Variants in AKAP9 observed in about 807,000 individuals in gnomAD.
AKAP9 encodes the protein A-kinase anchor protein 9.
In AKAP9, 311 loss-of-function variants were observed where a neutral mutation model predicts 488.5. The observed-to-expected ratio is 0.64, with a 90% CI of 0.58 to 0.70. AKAP9 has a LOEUF of 0.70. Among genes scored for constraint, AKAP9 ranks in the 30% least tolerant of loss-of-function variants. The pLI is 0.00. For synonymous variants in AKAP9, 1,462 were observed against 1,483.5 expected, an observed-to-expected ratio of 0.99 and a Z score of 0.33; for missense variants, 4,215 against 4,374.5, an observed-to-expected ratio of 0.96 and a Z score of 1.03.
chr7:91,982,821 C>G (rs1015794469), intron 3 of AKAP9, among the ~76,000 whole-genome samples: 7 of 152,176 alleles, frequency 4.6e-5, no homozygotes, highest in Non-Finnish European at 7.3e-5. Context: ...TAAAAGCATT[C>G]CTATTTCTCC....
At chr7:91,956,354 T>C (rs970657240) in intron 1 of AKAP9, among the ~76,000 whole-genome samples, 5 of 146,478 alleles carry the variant, frequency 3.4e-5, no homozygotes, top group African/African-American at 1.0e-4. Context: ...GGGCCGAGAT[T>C]GCACCACTGC....
chr7:92,003,816 A>G (rs1217487714), intron 8 of AKAP9, among the ~76,000 whole-genome samples: 1 of 152,160 alleles, frequency 6.6e-6, no homozygotes, highest in Non-Finnish European at 1.5e-5. Context: ...AATTATATGT[A>G]TATAATAATA....
intron 3 of AKAP9, among the ~76,000 whole-genome samples, chr7:91,991,494 C>G (rs911721133): frequency 4.2e-5 from 6 of 142,312 alleles, no homozygotes; most frequent in African/African-American, 1.6e-4. Context: ...TTTTTTGAGA[C>G]AGAGTCTTGC....
Position 91,992,165 on chromosome 7 carries a change from G to A in AKAP9, c.359G>A (p.Gly120Asp). The A allele has an allele frequency of 6.2e-7, 1 of 1,609,034 alleles. No homozygotes were observed. Among genetic ancestry groups the A allele is most frequent in the Non-Finnish European group, 8.5e-7 (1 of 1,175,604 alleles). The change falls in exon 4 of 50, where the codon GGT (glycine) becomes GAT (aspartate). Residue 120 changes from glycine to aspartate, a missense_variant. Physicochemically the swap from Gly to Asp is moderately conservative, Grantham distance 94 (BLOSUM62 -1). Coordinates refer to ENST00000356239, the MANE Select transcript of AKAP9 (RefSeq NM_005751.5). ...TADDCSSEVN[G>D]CSFVMRTGKP... is the part of the protein sequence containing the mutation. Reference sequence around the variant, plus strand: ...GAAATTGTTTTTATACAGGTAAATGGTTGCAGTTTTGTGATGAGAACAGGA... The same window carrying A: ...GAAATTGTTTTTATACAGGTAAATGATTGCAGTTTTGTGATGAGAACAGGA...
chr7:92,059,353 GTC>G (rs997045938), intron 22 of AKAP9, among the ~76,000 whole-genome samples: 15 of 151,816 alleles, frequency 9.9e-5, no homozygotes, highest in Admixed American at 6.6e-4. Flanking sequence ...TTTGAAGGGT[GTC>G]TCATCTCCCG....
intron 14 of AKAP9, among the ~76,000 whole-genome samples, chr7:92,024,156 A>G (rs564227364): frequency 6.6e-6 from 1 of 151,740 alleles, no homozygotes; most frequent in South Asian, 2.1e-4. Flanking sequence ...TCATGCCTGT[A>G]ATTCCAGCAT....
chr7:92,079,916 G>T lies in AKAP9; in HGVS notation c.7783G>T (p.Asp2595Tyr), dbSNP rs754949903. 7.0e-5 allele frequency: 113 copies of T among 1,613,564 alleles called. No individual in the cohort carries two copies. Among genetic ancestry groups the T allele is most frequent in the Middle Eastern group, 1.6e-4 (1 of 6,082 alleles). Residue 2595 changes from aspartate (D) to tyrosine (Y), a missense_variant, in exon 31 of 50, where the codon GAT becomes TAT. By Grantham distance (160) the Asp-to-Tyr change is radical (BLOSUM62 -3). Coordinates refer to ENST00000356239, the MANE Select transcript of AKAP9 (RefSeq NM_005751.5). ...NIQNLNQLRE[D>Y]ELGSDISALT... ...TCAGAATTTAAATCAACTAAGAGAA[G>T]ATGAGTTGGGGTCAGATATATCAGC...
intron 22 of AKAP9, chr7:92,058,363 G>T (rs543328864): frequency 1.4e-4 from 81 of 565,644 alleles, no homozygotes; most frequent in South Asian, 1.1e-3. Flanking sequence ...AAAGAAACGG[G>T]CATATATTAA....
chr7:92,013,935 G>T (rs1362120209), intron 9 of AKAP9, among the ~76,000 whole-genome samples: 1 of 151,662 alleles, frequency 6.6e-6, no homozygotes, highest in Non-Finnish European at 1.5e-5. Context: ...TACAGTAGAA[G>T]AATAAATATT....
In AKAP9 at chr7:92,102,591, T is replaced by C; in HGVS notation, c.11098-3T>C. The C allele has an allele frequency of 1.2e-6, 2 of 1,612,390 alleles. No homozygotes were observed. The highest frequency in any genetic ancestry group is 1.7e-6 in the Non-Finnish European group (2 of 1,178,424). On this transcript the variant is annotated splice_polypyrimidine_tract_variant and splice_region_variant and intron_variant, in intron 45 of 49. Coordinates refer to ENST00000356239, the MANE Select transcript of AKAP9 (RefSeq NM_005751.5). ...TTTACATTCTTCTCTTCCCTAAATA[T>C]AGAGAATTTATGGTAAATACTTGAG...
At chr7:91,958,579 A>G (rs1249944075) in intron 1 of AKAP9, among the ~76,000 whole-genome samples, 3 of 152,148 alleles carry the variant, frequency 2.0e-5, no homozygotes, top group Admixed American at 6.6e-5. Context: ...ATGTAGTTGT[A>G]TATATCCTTT....
chr7:91,995,793 A>G lies in AKAP9; in HGVS notation c.923A>G (p.Tyr308Cys), dbSNP rs1406991874. The G allele has an allele frequency of 3.1e-6, 5 of 1,599,756 alleles. No individual in the cohort carries two copies. Among genetic ancestry groups the G allele is most frequent in the African/African-American group, 2.7e-5 (2 of 74,574 alleles). The stretch of plus-strand genomic sequence containing the variant: ...TTCTTGCAAGAGAAAATTAAAGTAT[A>G]TGAAATGGTATGTTTATTTTAAGGA... Reference protein sequence around the residue: ...ISFLQEKIKVYEMEQDKKVEN... With the variant: ...ISFLQEKIKVCEMEQDKKVEN... Residue 308 changes from tyrosine to cysteine, a missense_variant, in exon 7 of 50, where the codon TAT (tyrosine) becomes TGT (cysteine). Physicochemically the swap from Tyr to Cys is radical, Grantham distance 194 (BLOSUM62 -2). Around this residue, in one of 5 missense-constraint regions of AKAP9, gnomAD observed 2,361 missense variants for 2,430.0 expected, o/e 0.97. Transcript: ENST00000356239.
rs1315064294 is a variant in AKAP9 at position 92,079,129 on chromosome 7, A to G, written c.6996A>G (p.Glu2332=). The G allele has an allele frequency of 3.1e-6, 5 of 1,613,242 alleles. No individual in the cohort carries two copies. The highest frequency in any genetic ancestry group is 2.2e-5 in the South Asian group (2 of 90,834). Residue 2332 remains glutamate (E), a synonymous_variant, in exon 31 of 50, where the codon GAA becomes GAG. Transcript: ENST00000356239. ...TAAGGGATCTTGAAACCCAAATAGAATGTTTGATGAGTGATCAAGAATGTG... is the reference window on the plus strand; with the variant it reads ...TAAGGGATCTTGAAACCCAAATAGAGTGTTTGATGAGTGATCAAGAATGTG... ...ELIRDLETQI[E]CLMSDQECVK...
chr7:92,086,500 G>A (rs973320288), intron 37 of AKAP9, 84 bp downstream of exon 37: 2 of 1,167,386 alleles, frequency 1.7e-6, no homozygotes, highest in Non-Finnish European at 2.5e-6. Context: ...TAAGTATGAA[G>A]GTTAAGATTT....
chr7:91,998,418 CTTTTT>C lies in AKAP9; in HGVS notation c.931-2397_931-2393del, dbSNP rs60778133. 5.0e-4 allele frequency among the ~76,000 whole-genome samples: 27 copies of C among 53,974 alleles called. 1 individual carries two copies. The highest frequency in any genetic ancestry group is 1.1e-3 in the African/African-American group (20 of 17,688). 35.4% of individuals were successfully genotyped at this position (53,974 alleles called of 152,430 possible). A position where few individuals can be genotyped will look rare whatever the true frequency, so the allele number is the denominator to read the frequency against. On this transcript the variant is annotated intron_variant, in intron 7 of 49. Transcript: ENST00000356239. ...AGATAGTGTATTCAACCACAGGGCT[CTTTTT>C]TTTTTTTTTTTTTTTTTTTTTTTTT... is the stretch of plus-strand genomic sequence containing the variant.
chr7:92,021,103 T>C (rs1050276357), intron 12 of AKAP9, among the ~76,000 whole-genome samples: 7 of 152,224 alleles, frequency 4.6e-5, no homozygotes, highest in African/African-American at 2.4e-5. Context: ...CTTTCACAAA[T>C]ACTCTTACTC....
rs764122968 is a variant in AKAP9 at position 91,993,088 on chromosome 7, A to G, written c.576+33A>G. 12 of 1,612,488 alleles carry G rather than the reference A, an allele frequency of 7.4e-6. No individual in the cohort carries two copies. In the South Asian group the frequency reaches 1.1e-4, roughly 15 times the overall value. ...TATTTTCTGTGGCTTTTGATTTGCT[A>G]CTCACAAAAACAAAAACAGGAAATG... On this transcript the variant is annotated intron_variant, in intron 5 of 49. Transcript: ENST00000356239.
chr7:92,076,967 C>A lies in AKAP9; in HGVS notation c.6725C>A (p.Thr2242Asn). 6.3e-7 allele frequency: 1 copy of A among 1,578,748 alleles called. No individual in the cohort carries two copies. The highest frequency in any genetic ancestry group is 8.6e-7 in the Non-Finnish European group (1 of 1,156,922). The change falls in exon 29 of 50, where the codon ACC (threonine) becomes AAC (asparagine). Residue 2242 changes from threonine to asparagine, a missense_variant. By Grantham distance (65) the Thr-to-Asn change is moderately conservative (BLOSUM62 0). Transcript: ENST00000356239. ...GAAATACAGAAAAAGGAATCTACTA[C>A]CCGCCTACAAGAACTTGAACAGGAA... ...QLEIQKKESTTRLQELEQENK... is the reference protein window; with the variant it reads ...QLEIQKKESTNRLQELEQENK...
chr7:92,014,156 G>T, intron 9 of AKAP9, 93 bp from the exon 10 acceptor site: 1 of 821,190 alleles, frequency 1.2e-6, no homozygotes, highest in Non-Finnish European at 2.1e-6. Context: ...GATTCTTATT[G>T]CAGGGGAGCT....
Sources: allele counts gnomAD v4.1 joint callset (sites outside exome capture counted in the v4.1 genomes callset), GRCh38; gene constraint gnomAD v4.1.1; regional missense constraint gnomAD v4.1.1; transcripts MANE v1.5; gene names NCBI Gene and HGNC (gene_info 2026-07-23, HGNC 2026-07-21).